ADARB2: variants seen among roughly 807,000 people sequenced by gnomAD.
The protein encoded by ADARB2 is inactive double-stranded RNA-specific editase B2.
ADARB2 carries 25 observed loss-of-function variants against 62.2 expected under a neutral mutation model. That is an observed-to-expected ratio of 0.40 (90% CI 0.29 to 0.56). The LOEUF (loss-of-function observed/expected upper bound fraction) is 0.56. Ranked by LOEUF, ADARB2 falls within the 20% of genes least tolerant of loss-of-function variation. The pLI, the probability that ADARB2 is intolerant of heterozygous loss-of-function variation, is 0.43. For missense variants in ADARB2, 1,071 were observed against 1,077.4 expected (o/e 0.99, Z 0.08); for synonymous variants, 572 against 500.8 (o/e 1.14, Z -1.90).
intron 3 of ADARB2, among the ~76,000 whole-genome samples, chr10:1,332,072 C>T (rs548869390): frequency 7.9e-5 from 12 of 152,252 alleles, no homozygotes; most frequent in African/African-American, 2.6e-4. Context: ...CATATTCATC[C>T]GAAGAAGTCG....
At chr10:1,206,755 T>C (rs1837073076) in intron 7 of ADARB2, among the ~76,000 whole-genome samples, 1 of 152,176 alleles carries the variant, frequency 6.6e-6, no homozygotes, top group Non-Finnish European at 1.5e-5. Context: ...GCGTCGTTGC[T>C]GAGCATCCCA....
At chr10:1,550,517 T>C (rs1832603879) in intron 1 of ADARB2, among the ~76,000 whole-genome samples, 1 of 152,198 alleles carries the variant, frequency 6.6e-6, no homozygotes, top group African/African-American at 2.4e-5. Flanking sequence ...CGCTCTCTAG[T>C]TGATGAAAGC....
chr10:1,517,055 G>T (rs1199451300), intron 1 of ADARB2, among the ~76,000 whole-genome samples: 2 of 152,174 alleles, frequency 1.3e-5, no homozygotes, highest in Non-Finnish European at 2.9e-5. Context: ...CGGTCGTGGC[G>T]TCAGGCCGCC....
rs1457811843 is a variant in ADARB2, at chr10:1,363,040, C to T, written c.1065G>A (p.Thr355=). The T allele has an allele frequency of 1.4e-6, 2 of 1,398,428 alleles. No individual in the cohort carries two copies. Among genetic ancestry groups the T allele is most frequent in the East Asian group, 2.8e-5 (1 of 35,568 alleles). 86.6% of individuals were successfully genotyped at this position (1,398,428 alleles called of 1,614,324 possible). A position where few individuals can be genotyped will look rare whatever the true frequency, so the allele number is the denominator to read the frequency against. ...PGHAPGRARR[T]PMPQEFADSI... ...CCGCGCCCCTCACCTGCGGCATTGG[C>T]GTCCTCCTGGCCCTGCCGGGCGCGT... The change falls in exon 3 of 10, where the codon ACG becomes ACA. Residue 355 remains threonine, a synonymous_variant. Transcript: ENST00000381312.
chr10:1,686,682 T>G (rs1308337344), intron 1 of ADARB2, among the ~76,000 whole-genome samples: 1 of 151,994 alleles, frequency 6.6e-6, no homozygotes, highest in East Asian at 1.9e-4. Context: ...TTTTGCTAAT[T>G]AAGTTGTAGA....
chr10:1,335,381 G>A (rs141215889), intron 3 of ADARB2, among the ~76,000 whole-genome samples: 1,885 of 149,840 alleles, frequency 0.013, 50 homozygotes, highest in African/African-American at 0.043. Context: ...GATGAAGGGA[G>A]AAAAGGATAG....
At chr10:1,208,170 G>A (rs1837094587) in intron 7 of ADARB2, among the ~76,000 whole-genome samples, 1 of 152,222 alleles carries the variant, frequency 6.6e-6, no homozygotes, top group Non-Finnish European at 1.5e-5. Flanking sequence ...TAGGAATCGA[G>A]TTTACTGTGA....
chr10:1,404,078 A>G (rs1468660870), intron 1 of ADARB2, among the ~76,000 whole-genome samples: 1 of 152,222 alleles, frequency 6.6e-6, no homozygotes, highest in Non-Finnish European at 1.5e-5. Context: ...CCACAGCTGG[A>G]AAGCTCTAGG....
chr10:1,253,729 A>T (rs1443229710), intron 4 of ADARB2, among the ~76,000 whole-genome samples: 1 of 152,222 alleles, frequency 6.6e-6, no homozygotes, highest in Non-Finnish European at 1.5e-5. Flanking sequence ...TGGACATCAA[A>T]GCCAGTGTTA....
At chr10:1,359,595 A>C (rs1316630976) in intron 3 of ADARB2, among the ~76,000 whole-genome samples, 1 of 152,178 alleles carries the variant, frequency 6.6e-6, no homozygotes, top group African/African-American at 2.4e-5. Flanking sequence ...AAGGAAGCTG[A>C]TATTGTGAAT....
intron 1 of ADARB2, among the ~76,000 whole-genome samples, chr10:1,515,033 GT>G: frequency 6.6e-6 from 1 of 152,328 alleles, no homozygotes; most frequent in Non-Finnish European, 1.5e-5. Flanking sequence ...GAAGGCCTTT[GT>G]TTTATAGCTG....
chr10:1,380,032 T>G (rs1259632506), intron 1 of ADARB2, among the ~76,000 whole-genome samples: 1 of 152,182 alleles, frequency 6.6e-6, no homozygotes, highest in African/African-American at 2.4e-5. Context: ...GCTCCTTAAT[T>G]TGGAGATTTC....
chr10:1,691,673 T>C (rs1022847545), intron 1 of ADARB2, among the ~76,000 whole-genome samples: 21 of 152,210 alleles, frequency 1.4e-4, no homozygotes, highest in Middle Eastern at 3.2e-3. Flanking sequence ...CTAGAATCAT[T>C]TCAGGCCACA....
chr10:1,376,731 A>G (rs1832432344), intron 2 of ADARB2, among the ~76,000 whole-genome samples: 1 of 151,932 alleles, frequency 6.6e-6, no homozygotes, highest in Non-Finnish European at 1.5e-5. Context: ...CTGAAGCTTC[A>G]TTTCTTTTTC....
chr10:1,278,056 G>A (rs746691597), intron 3 of ADARB2, among the ~76,000 whole-genome samples: 3 of 151,716 alleles, frequency 2.0e-5, no homozygotes, highest in South Asian at 4.2e-4. Flanking sequence ...TGCAACCTCC[G>A]CCTCCCAGGT....
chr10:1,610,867 CACAT>C (rs1166615926), intron 1 of ADARB2, among the ~76,000 whole-genome samples: 1 of 152,058 alleles, frequency 6.6e-6, no homozygotes, highest in Non-Finnish European at 1.5e-5. Flanking sequence ...CCCATACATA[CACAT>C]ACAAACACAC....
At chr10:1,446,511 A>G (rs79942282) in intron 1 of ADARB2, among the ~76,000 whole-genome samples, 6,549 of 152,288 alleles carry the variant, frequency 0.043, 426 homozygotes, top group African/African-American at 0.14. Flanking sequence ...ACAGTGGGTA[A>G]GTATGAGTGC....
chr10:1,463,941 T>C (rs1209247696), intron 1 of ADARB2, among the ~76,000 whole-genome samples: 3 of 152,096 alleles, frequency 2.0e-5, no homozygotes, highest in Non-Finnish European at 2.9e-5. Context: ...GCCAGCACCA[T>C]CAGTCATTAG....
At chr10:1,679,075 C>T (rs1834503961) in intron 1 of ADARB2, among the ~76,000 whole-genome samples, 1 of 152,198 alleles carries the variant, frequency 6.6e-6, no homozygotes, top group African/African-American at 2.4e-5. Context: ...GAAGTGCAGG[C>T]CCTGGGCCCC....
Sources: gnomAD v4.1 joint callset for allele counts (sites outside exome capture counted in the v4.1 genomes callset) on GRCh38, gnomAD v4.1.1 for gene constraint, MANE v1.5 for transcripts, NCBI Gene and HGNC (gene_info 2026-07-23, HGNC 2026-07-21) for gene names.